Variants in ZDHHC14 observed in about 807,000 individuals in gnomAD.
ZDHHC14 encodes the protein zDHHC palmitoyltransferase 14, also known as palmitoyltransferase ZDHHC14.
In ZDHHC14, 16 loss-of-function variants were observed where a neutral mutation model predicts 47.7. The observed-to-expected ratio is 0.34, with a 90% CI of 0.23 to 0.51. The LOEUF (loss-of-function observed/expected upper bound fraction) is 0.51. Ranked by LOEUF, ZDHHC14 falls within the 20% of genes least tolerant of loss-of-function variation. ZDHHC14 has a pLI of 0.97. For missense variants in ZDHHC14, 515 were observed against 662.5 expected, an observed-to-expected ratio of 0.78 and a Z score of 2.44; for synonymous variants, 293 against 278.9, an observed-to-expected ratio of 1.05 and a Z score of -0.50.
At chr6:157,584,945 C>T (rs577677059) in intron 2 of ZDHHC14, among the ~76,000 whole-genome samples, 11 of 152,288 alleles carry the variant, frequency 7.2e-5, no homozygotes, top group Admixed American at 2.0e-4. Flanking sequence ...TGGCTCATGG[C>T]TGTAATCCCA....
chr6:157,632,741 C>A, intron 4 of ZDHHC14, 93 bp from the exon 5 acceptor site: 2 of 1,179,668 alleles, frequency 1.7e-6, no homozygotes, highest in Non-Finnish European at 2.5e-6. Context: ...TTTCATTGAT[C>A]TTTAGCCATC....
At chr6:157,650,519 G>A (rs2114988271) in intron 7 of ZDHHC14, among the ~76,000 whole-genome samples, 1 of 152,144 alleles carries the variant, frequency 6.6e-6, no homozygotes, top group Non-Finnish European at 1.5e-5. Flanking sequence ...GGACGCGATG[G>A]GATGCTGGCC....
At chr6:157,615,107 A>G (rs936404230) in intron 3 of ZDHHC14, among the ~76,000 whole-genome samples, 1 of 151,494 alleles carries the variant, frequency 6.6e-6, no homozygotes, top group Admixed American at 6.6e-5. Flanking sequence ...CCAAATTTTC[A>G]TTTTGCCACG....
chr6:157,564,081 G>T (rs1004651517), intron 2 of ZDHHC14, among the ~76,000 whole-genome samples: 3 of 152,214 alleles, frequency 2.0e-5, no homozygotes, highest in Admixed American at 6.5e-5. Flanking sequence ...TCTCAGAATC[G>T]TATTTCTCCT....
chr6:157,572,943 T>C (rs1783157678), intron 2 of ZDHHC14, among the ~76,000 whole-genome samples: 1 of 152,094 alleles, frequency 6.6e-6, no homozygotes, highest in South Asian at 2.1e-4. Context: ...TCAGGTTCTC[T>C]TGGGGCTAGA....
At chr6:157,664,430 CCCTGTTACA>C (rs1260640940) in intron 8 of ZDHHC14, among the ~76,000 whole-genome samples, 1 of 152,092 alleles carries the variant, frequency 6.6e-6, no homozygotes, top group African/African-American at 2.4e-5. Flanking sequence ...AGAGTGTTGC[CCCTGTTACA>C]GCAAGCAGTT....
At chr6:157,585,484 TG>T (rs1403653674) in intron 2 of ZDHHC14, among the ~76,000 whole-genome samples, 3 of 151,710 alleles carry the variant, frequency 2.0e-5, no homozygotes, top group Non-Finnish European at 2.9e-5. Context: ...CTTCTCTCTT[TG>T]TGCCACATGA....
Position 157,427,812 on chromosome 6 carries a change from C to T in ZDHHC14, c.245+45546C>T, listed in dbSNP as rs546213191. ...GTGGAAACAGGTTTTCATCAAGATC[C>T]TTTCCATGACATTGTGGCCCCCAAG... is the stretch of plus-strand genomic sequence containing the variant. On this transcript the variant is annotated intron_variant, in intron 1 of 8. Coordinates refer to ENST00000359775, the MANE Select transcript of ZDHHC14 (RefSeq NM_024630.3). The surrounding 1 kb of genome is among the most constrained non-coding windows in gnomAD (Gnocchi z 4.4). Among the ~76,000 whole-genome samples the T allele has an allele frequency of 3.9e-5, 6 of 152,244 alleles. No individual in the cohort carries two copies. In the East Asian group the frequency reaches 1.2e-3, roughly 29 times the overall value.
At chr6:157,459,608 G>A (rs1255344328) in intron 1 of ZDHHC14, among the ~76,000 whole-genome samples, 1 of 152,180 alleles carries the variant, frequency 6.6e-6, no homozygotes, top group Non-Finnish European at 1.5e-5. Flanking sequence ...TAGCTAGAGA[G>A]AGCCTCAGGG....
chr6:157,561,315 G>T (rs186946398), intron 2 of ZDHHC14, among the ~76,000 whole-genome samples: 21 of 152,334 alleles, frequency 1.4e-4, no homozygotes, highest in African/African-American at 4.3e-4. Context: ...CAGCTGGCAC[G>T]TGCCAGGACA....
At chr6:157,567,162 G>T (rs1474839667) in intron 2 of ZDHHC14, among the ~76,000 whole-genome samples, 2 of 152,048 alleles carry the variant, frequency 1.3e-5, no homozygotes, top group African/African-American at 4.8e-5. Flanking sequence ...TAACAAGGGG[G>T]TTTTATTACT....
intron 7 of ZDHHC14, among the ~76,000 whole-genome samples, chr6:157,651,385 A>G (rs1443104760): frequency 2.0e-5 from 3 of 150,880 alleles, no homozygotes; most frequent in Non-Finnish European, 4.4e-5. Context: ...TCTCTTCCTC[A>G]CCTCTTTCTC....
intron 1 of ZDHHC14, among the ~76,000 whole-genome samples, chr6:157,504,576 A>C (rs569799186): frequency 6.8e-6 from 1 of 147,252 alleles, no homozygotes; most frequent in East Asian, 2.0e-4. Flanking sequence ...ACACCTGGCT[A>C]ATTTTTGTAT....
At chr6:157,383,057 A>T (rs889730212) in intron 1 of ZDHHC14, among the ~76,000 whole-genome samples, 2 of 152,222 alleles carry the variant, frequency 1.3e-5, no homozygotes, top group African/African-American at 4.8e-5. Context: ...GGGGATAAAA[A>T]GCGCATGCAA....
intron 3 of ZDHHC14, among the ~76,000 whole-genome samples, chr6:157,599,917 G>C (rs950141667): frequency 2.6e-5 from 4 of 152,234 alleles, no homozygotes; most frequent in Non-Finnish European, 4.4e-5. Flanking sequence ...TTTTGCCGTT[G>C]TGTTAACTCT....
chr6:157,427,714 G>A lies in ZDHHC14; in HGVS notation c.245+45448G>A, dbSNP rs1265545172. ...GATTTTCTTTTCAGAAATGGCAGAT[G>A]CGCTAGGGCTGTTCCTCCTGGAGTA... On this transcript the variant is annotated intron_variant, in intron 1 of 8. Transcript: ENST00000359775. The surrounding 1 kb of genome is among the most constrained non-coding windows in gnomAD (Gnocchi z 4.4). 6.6e-6 allele frequency among the ~76,000 whole-genome samples: 1 copy of A among 152,106 alleles called. No individual in the cohort carries two copies. The highest frequency in any genetic ancestry group is 1.5e-5 in the Non-Finnish European group (1 of 68,022).
intron 2 of ZDHHC14, among the ~76,000 whole-genome samples, chr6:157,563,052 C>T (rs926291553): frequency 2.6e-5 from 4 of 152,140 alleles, no homozygotes; most frequent in African/African-American, 4.8e-5. Flanking sequence ...GGTCTTCCTG[C>T]GGTAAGAAGC....
chr6:157,597,759 C>A (rs910607196), intron 3 of ZDHHC14, among the ~76,000 whole-genome samples: 1 of 152,240 alleles, frequency 6.6e-6, no homozygotes, highest in Admixed American at 6.5e-5. Context: ...AGCCCTCAGG[C>A]CATGCCAGCC....
At chr6:157,434,535 G>A (rs1778401813) in intron 1 of ZDHHC14, among the ~76,000 whole-genome samples, 1 of 151,984 alleles carries the variant, frequency 6.6e-6, no homozygotes, top group Admixed American at 6.6e-5. Flanking sequence ...GTTCCTCTGT[G>A]CCCTTAAACA....
Sources: gnomAD v4.1 joint callset for allele counts (sites outside exome capture counted in the v4.1 genomes callset) on GRCh38, gnomAD v4.1.1 for gene constraint, Gnocchi (gnomAD v3.1) non-coding constraint, MANE v1.5 for transcripts, NCBI Gene and HGNC (gene_info 2026-07-23, HGNC 2026-07-21) for gene names.